LDAF1: variants seen among roughly 807,000 people sequenced by gnomAD.
LDAF1 encodes the protein PROMETHIN.
A neutral mutation model predicts 13.5 loss-of-function variants in LDAF1; 7 were observed. The ratio of observed to expected loss-of-function variants is 0.52; its 90% CI spans 0.29 to 0.97. The LOEUF is 0.97. Ranked by LOEUF, LDAF1 falls within the 50% of genes least tolerant of loss-of-function variation. The pLI, the probability that LDAF1 is intolerant of heterozygous loss-of-function variation, is 0.07. For synonymous variants in LDAF1, 69 were observed against 77.1 expected (o/e 0.89, Z 0.55); for missense variants, 148 against 193.2 (o/e 0.77, Z 1.39).
intron 3 of LDAF1, among the ~76,000 whole-genome samples, chr16:21,171,159 C>T (rs1218528191): frequency 1.3e-5 from 2 of 152,206 alleles, no homozygotes; most frequent in African/African-American, 4.8e-5. Context: ...TCGCTAGGTA[C>T]TGGAGACCAC....
intron 1 of LDAF1, chr16:21,159,901 C>A: frequency 2.0e-6 from 2 of 985,142 alleles, no homozygotes; most frequent in Non-Finnish European, 2.4e-6. Flanking sequence ...CTGGGAACAT[C>A]CCAAGTTCAA....
chr16:21,165,262 A>C (rs1806126899), intron 2 of LDAF1, among the ~76,000 whole-genome samples: 1 of 152,200 alleles, frequency 6.6e-6, no homozygotes. Flanking sequence ...GGAGTTCGAG[A>C]CTAGCCTGGC....
At chr16:21,164,892 G>A (rs1010146169) in intron 2 of LDAF1, among the ~76,000 whole-genome samples, 8 of 152,166 alleles carry the variant, frequency 5.3e-5, no homozygotes, top group Non-Finnish European at 1.5e-5. Context: ...GTGTTAGGTC[G>A]TTCTTTTTTA....
intron 2 of LDAF1, among the ~76,000 whole-genome samples, chr16:21,164,323 A>G (rs1163041333): frequency 6.6e-6 from 1 of 152,112 alleles, no homozygotes; most frequent in Non-Finnish European, 1.5e-5. Context: ...GGCTTACTGT[A>G]GCCTCGAACT....
At chr16:21,161,306 G>GA (rs1343866565) in intron 2 of LDAF1, 28 bp downstream of exon 2, 3 of 1,608,980 alleles carry the variant, frequency 1.9e-6, no homozygotes, top group Admixed American at 1.7e-5. Flanking sequence ...ATGTATAATG[G>GA]AAAATCCCAA....
intron 4 of LDAF1, chr16:21,178,302 A>T (rs1269705146): frequency 1.0e-6 from 1 of 985,256 alleles, no homozygotes; most frequent in Non-Finnish European, 1.2e-6. Flanking sequence ...CACCAAACTC[A>T]CTACCCCATA....
chr16:21,173,895 T>G, intron 3 of LDAF1, 115 bp from the exon 4 acceptor site: 2 of 1,136,510 alleles, frequency 1.8e-6, no homozygotes, highest in Non-Finnish European at 2.4e-6. Context: ...GTGGGAAATC[T>G]TCTTACTTTA....
intron 4 of LDAF1, among the ~76,000 whole-genome samples, chr16:21,177,528 C>G (rs1196445010): frequency 2.0e-5 from 3 of 151,786 alleles, no homozygotes; most frequent in Admixed American, 6.6e-5. Flanking sequence ...TGCACTGTTC[C>G]CTTGTGAGAG....
intron 1 of LDAF1, chr16:21,159,979 C>T (rs1055862884): frequency 1.0e-6 from 1 of 985,176 alleles, no homozygotes; most frequent in South Asian, 4.7e-5. Context: ...CCTCAACTTT[C>T]CCCTCCAAAG....
intron 1 of LDAF1, 177 bp from the exon 2 acceptor site, chr16:21,160,908 A>G (rs924692166): frequency 4.6e-6 from 3 of 652,766 alleles, no homozygotes; most frequent in South Asian, 8.6e-5. Context: ...GATTATTTCC[A>G]TCATGTTCCT....
At chr16:21,172,843 C>T (rs2093102568) in intron 3 of LDAF1, 5 of 985,410 alleles carry the variant, frequency 5.1e-6, no homozygotes, top group Non-Finnish European at 6.0e-6. Flanking sequence ...TGTTGATGTT[C>T]TCTTCCTTCC....
At chr16:21,168,963 ATATATTATAT>A (rs71935186) in intron 2 of LDAF1, among the ~76,000 whole-genome samples, 15 of 122,494 alleles carry the variant, frequency 1.2e-4, no homozygotes, top group Admixed American at 1.0e-3. Context: ...ATATAATATA[ATATATTATAT>A]TATATATAAT....
intron 3 of LDAF1, among the ~76,000 whole-genome samples, chr16:21,171,764 A>G (rs1331992035): frequency 1.3e-5 from 2 of 151,528 alleles, no homozygotes; most frequent in Non-Finnish European, 2.9e-5. Flanking sequence ...TCTAGATGGA[A>G]TCTTACTCTG....
At chr16:21,173,256 TG>T (rs1358043623) in intron 3 of LDAF1, 1 of 152,234 alleles carries the variant, frequency 6.6e-6, no homozygotes, top group African/African-American at 2.4e-5. Flanking sequence ...ACCTATAGCT[TG>T]TAGGTAAGAG....
intron 1 of LDAF1, chr16:21,159,581 C>T: frequency 2.5e-6 from 2 of 804,554 alleles, no homozygotes; most frequent in South Asian, 3.4e-5. Flanking sequence ...GTTGGCCTGG[C>T]CCAGTCCCCC....
intron 2 of LDAF1, chr16:21,166,716 G>A (rs991495208): frequency 4.0e-5 from 29 of 724,226 alleles, no homozygotes; most frequent in Middle Eastern, 4.8e-4. Context: ...GACACAGGGA[G>A]CATCAAATAA....
intron 2 of LDAF1, among the ~76,000 whole-genome samples, 180 bp downstream of exon 2, chr16:21,161,458 A>G (rs1303963008): frequency 1.3e-5 from 2 of 152,238 alleles, no homozygotes; most frequent in Non-Finnish European, 2.9e-5. Flanking sequence ...GATGACTGCA[A>G]GAGCATCAGC....
chr16:21,173,076 T>G (rs1328822514), intron 3 of LDAF1, among the ~76,000 whole-genome samples: 1 of 152,234 alleles, frequency 6.6e-6, no homozygotes, highest in Non-Finnish European at 1.5e-5. Flanking sequence ...TGGTAATTCA[T>G]TAATATTCCT....
At chr16:21,177,533 T>G (rs536574458) in intron 4 of LDAF1, among the ~76,000 whole-genome samples, 5 of 152,010 alleles carry the variant, frequency 3.3e-5, no homozygotes, top group African/African-American at 1.2e-4. Context: ...TGTTCCCTTG[T>G]GAGAGAATGT....
Sources: allele counts gnomAD v4.1 joint callset (sites outside exome capture counted in the v4.1 genomes callset), GRCh38; gene constraint gnomAD v4.1.1; transcripts MANE v1.5; gene names NCBI Gene and HGNC (gene_info 2026-07-23, HGNC 2026-07-21).